The following UMAD1 variants were observed in gnomAD, a reference collection of about 807,000 sequenced individuals.
UMAD1 encodes UBAP1-MVB12-associated (UMA) domain containing 1.
A neutral mutation model predicts 6.1 loss-of-function variants in UMAD1; 8 were observed. The observed-to-expected ratio is 1.30, with a 90% CI of 0.76 to 2.35. UMAD1 has a LOEUF of 2.35. Ranked by LOEUF, UMAD1 falls within the 30% of genes most tolerant of loss-of-function variation. The pLI is 0.00. For synonymous variants in UMAD1, 56 were observed against 31.4 expected (o/e 1.78, Z -2.61); for missense variants, 130 against 78.4 (o/e 1.66, Z -2.49).
chr7:7,713,439 A>G (rs1032798420), intron 2 of UMAD1, among the ~76,000 whole-genome samples: 2 of 151,476 alleles, frequency 1.3e-5, no homozygotes, highest in Admixed American at 1.3e-4. Context: ...CCATTTTTTA[A>G]TCTCTGGGAT....
At chr7:7,823,436 G>A (rs1019165802) in intron 3 of UMAD1, among the ~76,000 whole-genome samples, 2 of 151,934 alleles carry the variant, frequency 1.3e-5, no homozygotes, top group African/African-American at 2.4e-5. Context: ...GGCAACCCCC[G>A]CCATAACTCA....
chr7:7,842,432 G>A (rs748066325), intron 3 of UMAD1, among the ~76,000 whole-genome samples: 1 of 151,280 alleles, frequency 6.6e-6, no homozygotes, highest in Admixed American at 6.6e-5. Flanking sequence ...ACCTGATTTG[G>A]CATTACCAAT....
chr7:7,740,200 A>G (rs1781435536), intron 2 of UMAD1, among the ~76,000 whole-genome samples: 1 of 152,202 alleles, frequency 6.6e-6, no homozygotes, highest in Non-Finnish European at 1.5e-5. Flanking sequence ...TTTTAACCAA[A>G]ATCTAACTTA....
intron 2 of UMAD1, among the ~76,000 whole-genome samples, chr7:7,734,314 C>T (rs1781308592): frequency 6.6e-6 from 1 of 152,022 alleles, no homozygotes; most frequent in African/African-American, 2.4e-5. Context: ...TCTCTTAGTT[C>T]CCAGAAATTC....
chr7:7,859,429 A>T (rs1208998397), intron 3 of UMAD1, among the ~76,000 whole-genome samples: 1 of 152,172 alleles, frequency 6.6e-6, no homozygotes, highest in East Asian at 1.9e-4. Context: ...ATCTTTCTGA[A>T]TTACGAGTAT....
chr7:7,748,517 A>T (rs116334586), intron 2 of UMAD1, among the ~76,000 whole-genome samples: 2,254 of 152,152 alleles, frequency 0.015, 59 homozygotes, highest in African/African-American at 0.052. Context: ...GAGCTGCTGT[A>T]ATTTTTTGAG....
chr7:7,874,544 C>T (rs1784382923), intron 3 of UMAD1, among the ~76,000 whole-genome samples: 1 of 152,114 alleles, frequency 6.6e-6, no homozygotes, highest in African/African-American at 2.4e-5. Flanking sequence ...AGGCCGGGCA[C>T]AGTGGCTCAC....
At chr7:7,809,922 TC>T (rs1362271015) in intron 3 of UMAD1, among the ~76,000 whole-genome samples, 4 of 151,964 alleles carry the variant, frequency 2.6e-5, no homozygotes, top group African/African-American at 7.2e-5. Context: ...GATTTGTGAA[TC>T]CCATGTGATA....
intron 2 of UMAD1, among the ~76,000 whole-genome samples, chr7:7,750,926 G>C (rs953631974): frequency 6.6e-6 from 1 of 152,166 alleles, no homozygotes; most frequent in Non-Finnish European, 1.5e-5. Flanking sequence ...TGTCAATAAA[G>C]TATTTAATAA....
chr7:7,870,525 A>G (rs1784313356), intron 3 of UMAD1, among the ~76,000 whole-genome samples: 1 of 152,186 alleles, frequency 6.6e-6, no homozygotes, highest in South Asian at 2.1e-4. Flanking sequence ...TTATTATGCA[A>G]ATGAAAAAAA....
chr7:7,645,280 G>C (rs1164533313), intron 1 of UMAD1, among the ~76,000 whole-genome samples: 2 of 152,276 alleles, frequency 1.3e-5, no homozygotes, highest in Non-Finnish European at 2.9e-5. Context: ...TTTAAGTCAA[G>C]ATGGGGTTTA....
chr7:7,771,124 GTT>G (rs71543846), intron 2 of UMAD1, among the ~76,000 whole-genome samples: 2 of 145,744 alleles, frequency 1.4e-5, no homozygotes, highest in Non-Finnish European at 1.5e-5. Flanking sequence ...GTTTTTGTTA[GTT>G]TTTTTTTTTT....
chr7:7,779,327 A>G (rs1782295418), intron 2 of UMAD1, among the ~76,000 whole-genome samples: 3 of 152,272 alleles, frequency 2.0e-5, no homozygotes, highest in Middle Eastern at 3.4e-3. Context: ...CCCAGGCTAG[A>G]GTGCAGTACT....
chr7:7,849,830 T>C (rs1436202869), intron 3 of UMAD1, among the ~76,000 whole-genome samples: 1 of 152,090 alleles, frequency 6.6e-6, no homozygotes, highest in Non-Finnish European at 1.5e-5. Flanking sequence ...TACTTTAAGA[T>C]GGAGTGGACA....
intron 2 of UMAD1, among the ~76,000 whole-genome samples, chr7:7,790,146 C>T (rs995172640): frequency 2.6e-5 from 4 of 152,186 alleles, no homozygotes; most frequent in Non-Finnish European, 5.9e-5. Context: ...CCATGTACCA[C>T]TTGCATTAGA....
chr7:7,805,124 A>T (rs1008324263), intron 3 of UMAD1, among the ~76,000 whole-genome samples: 4 of 151,982 alleles, frequency 2.6e-5, no homozygotes, highest in African/African-American at 7.3e-5. Context: ...GAAGTTGATG[A>T]CTCCTAAAAT....
At chr7:7,693,522 T>C (rs1012292055) in intron 2 of UMAD1, among the ~76,000 whole-genome samples, 12 of 152,180 alleles carry the variant, frequency 7.9e-5, no homozygotes, top group African/African-American at 2.2e-4. Context: ...TCGATAGTTC[T>C]TTTATTCTCA....
chr7:7,762,672 T>C (rs1781914958), intron 2 of UMAD1, among the ~76,000 whole-genome samples: 1 of 152,186 alleles, frequency 6.6e-6, no homozygotes, highest in Non-Finnish European at 1.5e-5. Context: ...ACAAGGATCA[T>C]AATATAGTGC....
At chr7:7,872,035 A>AGG (rs1447374223) in intron 3 of UMAD1, among the ~76,000 whole-genome samples, 1 of 151,902 alleles carries the variant, frequency 6.6e-6, no homozygotes, top group Non-Finnish European at 1.5e-5. Flanking sequence ...CCGAAAGAGG[A>AGG]GGGGGCCTTC....
Sources: allele counts gnomAD v4.1 joint callset (sites outside exome capture counted in the v4.1 genomes callset), GRCh38; gene constraint gnomAD v4.1.1; transcripts MANE v1.5; gene names NCBI Gene and HGNC (gene_info 2026-07-23, HGNC 2026-07-21).